Variants in TMEM272 observed in about 807,000 individuals in gnomAD.
TMEM272 encodes the protein long intergenic non-protein coding RNA 282.
In TMEM272, 8 loss-of-function variants were observed where a neutral mutation model predicts 3.7. The ratio of observed to expected loss-of-function variants is 2.17; its 90% CI spans 1.27 to 3.91. The LOEUF (loss-of-function observed/expected upper bound fraction) is 3.91, where lower values mean the gene tolerates loss of function less well. TMEM272 is among the 30% of genes most tolerant of loss of function. The probability of loss-of-function intolerance (pLI) is 0.00; values close to 1 mark genes in which losing one functional copy is unlikely to be tolerated. For synonymous variants in TMEM272, 63 were observed against 39.8 expected, an observed-to-expected ratio of 1.58 and a Z score of -2.20; for missense variants, 166 against 91.5, an observed-to-expected ratio of 1.81 and a Z score of -3.32.
At chr13:51,837,606 T>C (rs546111605) in intron 2 of TMEM272, among the ~76,000 whole-genome samples, 2 of 152,324 alleles carry the variant, frequency 1.3e-5, no homozygotes, top group Admixed American at 6.5e-5. Flanking sequence ...CTTCACTCAT[T>C]TACCTGCTTA....
chr13:51,893,634 A>G, the TMEM272 span, among the ~76,000 whole-genome samples: 2 of 152,046 alleles, frequency 1.3e-5, no homozygotes, highest in Non-Finnish European at 2.9e-5. Context: ...GCCTCTTCAC[A>G]TTGAGAATGT....
chr13:51,817,649 C>G (rs1232583045), intron 4 of TMEM272, among the ~76,000 whole-genome samples: 1 of 152,068 alleles, frequency 6.6e-6, no homozygotes, highest in African/African-American at 2.4e-5. Flanking sequence ...CCCCGCCCAG[C>G]CTGCTTTCTC....
At chr13:51,886,443 A>G in the TMEM272 span, among the ~76,000 whole-genome samples, 1 of 152,346 alleles carries the variant, frequency 6.6e-6, no homozygotes. Flanking sequence ...TTCCCATTTT[A>G]AAGATGAGAA....
chr13:51,826,607 A>G lies in TMEM272; in HGVS notation c.77T>C (p.Leu26Pro). ...IASNACFVVV[L>P]CAFLALPLSM... ...CAGCGGCAGAGCCAGGAAAGCACAG[A>G]GCACAACAACGAAGCAGGCTGCAAG... is the stretch of plus-strand genomic sequence containing the variant. The change falls in exon 3 of 5, where the codon CTC becomes CCC. Residue 26 changes from leucine (L) to proline (P), a missense_variant. Leu to Pro is a moderately conservative substitution (Grantham distance 98). Transcript: ENST00000629372. 1.4e-6 allele frequency: 1 copy of G among 702,614 alleles called. No homozygotes were observed. Among genetic ancestry groups the G allele is most frequent in the Non-Finnish European group, 2.6e-6 (1 of 385,012 alleles). 43.5% of individuals were successfully genotyped at this position (702,614 alleles called of 1,614,324 possible).
chr13:51,931,946 A>T, the TMEM272 span, among the ~76,000 whole-genome samples: 1 of 152,184 alleles, frequency 6.6e-6, no homozygotes, highest in Non-Finnish European at 1.5e-5. Context: ...CTATGCCACC[A>T]GCATGTCTCT....
chr13:51,910,123 C>T, the TMEM272 span: 2 of 1,019,696 alleles, frequency 2.0e-6, no homozygotes, highest in Non-Finnish European at 3.1e-6. Context: ...GAAATATCTG[C>T]CATCACCTCA....
intron 2 of TMEM272, among the ~76,000 whole-genome samples, chr13:51,830,055 C>T (rs1190640388): frequency 2.0e-5 from 3 of 152,198 alleles, no homozygotes; most frequent in Non-Finnish European, 4.4e-5. Flanking sequence ...CTTAGCCTCC[C>T]CACACAGTTT....
chr13:51,839,775 G>C (rs113330148), intron 1 of TMEM272, among the ~76,000 whole-genome samples: 11 of 152,200 alleles, frequency 7.2e-5, no homozygotes, highest in African/African-American at 2.7e-4. Flanking sequence ...CACCGCCAGC[G>C]TCAGCATGGG....
At chr13:51,835,459 C>T (rs548653209) in intron 2 of TMEM272, among the ~76,000 whole-genome samples, 49 of 152,232 alleles carry the variant, frequency 3.2e-4, no homozygotes, top group African/African-American at 1.1e-3. Flanking sequence ...CTCTTGACGT[C>T]GTGATCTGCT....
At chr13:51,914,088 C>T in the TMEM272 span, among the ~76,000 whole-genome samples, 1 of 152,244 alleles carries the variant, frequency 6.6e-6, no homozygotes, top group African/African-American at 2.4e-5. Context: ...TATTCTAACA[C>T]AGTTTCTTCT....
the TMEM272 span, among the ~76,000 whole-genome samples, chr13:51,924,350 T>C: frequency 6.6e-6 from 1 of 152,098 alleles, no homozygotes; most frequent in Non-Finnish European, 1.5e-5. Flanking sequence ...AGCCCATGAG[T>C]TCCAGACCAG....
chr13:51,899,800 T>A, the TMEM272 span, among the ~76,000 whole-genome samples: 1 of 152,232 alleles, frequency 6.6e-6, no homozygotes, highest in African/African-American at 2.4e-5. Flanking sequence ...GACATGTAGC[T>A]TAATGGAATA....
At chr13:51,830,934 G>A (rs1956168248) in intron 2 of TMEM272, among the ~76,000 whole-genome samples, 1 of 152,092 alleles carries the variant, frequency 6.6e-6, no homozygotes, top group Non-Finnish European at 1.5e-5. Flanking sequence ...GAGGTCTAAT[G>A]AGGCTCACTC....
At chr13:51,891,484 C>T in the TMEM272 span, among the ~76,000 whole-genome samples, 1 of 152,184 alleles carries the variant, frequency 6.6e-6, no homozygotes, top group African/African-American at 2.4e-5. Flanking sequence ...CATGCATTTA[C>T]TGAATTGCCC....
At chr13:51,927,520 C>T in the TMEM272 span, among the ~76,000 whole-genome samples, 1 of 152,156 alleles carries the variant, frequency 6.6e-6, no homozygotes. Flanking sequence ...TGAAAATGAT[C>T]GAATTACTGA....
the TMEM272 span, among the ~76,000 whole-genome samples, chr13:51,906,072 G>C: frequency 6.6e-6 from 1 of 152,200 alleles, no homozygotes; most frequent in Non-Finnish European, 1.5e-5. Flanking sequence ...TGTGTGTTCT[G>C]GAGGGACTGA....
upstream of TMEM272, among the ~76,000 whole-genome samples, chr13:51,847,120 C>G (rs975336988): frequency 6.6e-6 from 1 of 152,106 alleles, no homozygotes; most frequent in Non-Finnish European, 1.5e-5. Context: ...GTATTTTCTA[C>G]GTTTAGATAC....
the TMEM272 span, among the ~76,000 whole-genome samples, chr13:51,881,144 G>A: frequency 6.6e-6 from 1 of 152,162 alleles, no homozygotes; most frequent in African/African-American, 2.4e-5. Context: ...CTGAAGGAAA[G>A]GTGTGGAGGC....
chr13:51,931,244 T>C, the TMEM272 span, among the ~76,000 whole-genome samples: 1 of 148,614 alleles, frequency 6.7e-6, no homozygotes. Flanking sequence ...GAAGAAAATG[T>C]GGCACATGTA....
Sources: gnomAD v4.1 joint callset for allele counts (sites outside exome capture counted in the v4.1 genomes callset) on GRCh38, gnomAD v4.1.1 for gene constraint, MANE v1.5 for transcripts, NCBI Gene and HGNC (gene_info 2026-07-23, HGNC 2026-07-21) for gene names.